STARD9: variants seen among roughly 807,000 people sequenced by gnomAD.
The protein encoded by STARD9 is StAR related lipid transfer domain containing 9.
STARD9 carries 346 observed loss-of-function variants against 399.8 expected under a neutral mutation model. The ratio of observed to expected loss-of-function variants is 0.87; its 90% CI spans 0.79 to 0.95. The LOEUF is 0.95. Ranked by LOEUF, STARD9 falls within the 40% of genes least tolerant of loss-of-function variation. STARD9 has a pLI of 0.00. For synonymous variants in STARD9, 2,203 were observed against 2,143.5 expected, an observed-to-expected ratio of 1.03 and a Z score of -0.77; for missense variants, 5,832 against 5,667.5, an observed-to-expected ratio of 1.03 and a Z score of -0.93.
chr15:42,703,533 T>TA (rs2061012951), intron 26 of STARD9, among the ~76,000 whole-genome samples: 2 of 150,392 alleles, frequency 1.3e-5, no homozygotes, highest in South Asian at 4.2e-4. Flanking sequence ...CTGGCTGATT[T>TA]TTTTTTTTTT....
chr15:42,667,638 C>G (rs948495972), intron 15 of STARD9, among the ~76,000 whole-genome samples: 2 of 151,892 alleles, frequency 1.3e-5, no homozygotes, highest in African/African-American at 4.8e-5. Flanking sequence ...ACTGCCACGC[C>G]AGGCTAATTT....
chr15:42,680,366 G>A (rs926623096), intron 20 of STARD9, among the ~76,000 whole-genome samples: 1 of 152,152 alleles, frequency 6.6e-6, no homozygotes, highest in Non-Finnish European at 1.5e-5. Flanking sequence ...TTGGGAGGCT[G>A]AGGTGGGGAG....
rs2060539266 is a variant in STARD9, at chr15:42,685,790, G to T, written c.4212G>T (p.Glu1404Asp). Reference sequence around the variant, plus strand: ...CCAAACTGCACCAAGGCAGTACTGAGCTCCTCTGCAGTGCAAGAGATGAGC... The same window carrying T: ...CCAAACTGCACCAAGGCAGTACTGATCTCCTCTGCAGTGCAAGAGATGAGC... ...YSSKLHQGST[E>D]LLCSARDEHT... is the part of the protein sequence containing the mutation. Residue 1404 changes from glutamate (E) to aspartate (D), a missense_variant, in exon 23 of 33, where the codon GAG becomes GAT. By Grantham distance (45) the Glu-to-Asp change is conservative. Around this residue, in one of 2 missense-constraint regions of STARD9, gnomAD observed 5,828 missense variants for 5,651.1 expected, o/e 1.03. Transcript: ENST00000290607. 13 of 1,537,194 alleles carry T rather than the reference G, an allele frequency of 8.5e-6. No individual in the cohort carries two copies. Among genetic ancestry groups the T allele is most frequent in the Non-Finnish European group, 1.0e-5 (12 of 1,146,966 alleles).
chr15:42,606,264 T>A (rs185728297), intron 3 of STARD9, among the ~76,000 whole-genome samples: 1 of 152,336 alleles, frequency 6.6e-6, no homozygotes, highest in East Asian at 1.9e-4. Context: ...CACATCCTGC[T>A]ACCTTTGCAC....
intron 10 of STARD9, 28 bp from the exon 11 acceptor site, chr15:42,662,760 CTTTTGT>C: frequency 7.1e-7 from 1 of 1,408,154 alleles, no homozygotes; most frequent in Non-Finnish European, 9.7e-7. Context: ...GTCTTATTTG[CTTTTGT>C]TTTTGTTTTT....
At position 42,652,577 on chromosome 15, in the gene STARD9, G is replaced by A. The variant is rs573517564; in HGVS notation, c.687G>A (p.Thr229=). The change falls in exon 9 of 33, where the codon ACG becomes ACA. Residue 229 remains threonine (T), a synonymous_variant. Transcript: ENST00000290607. ...GCAGCAGATCCCACGCCATTTTCAC[G>A]ATCCACTACACGCAGGTTGGTAACT... ...EASSRSHAIF[T]IHYTQAILEN... is the part of the protein sequence containing the mutation. 3.9e-6 allele frequency: 6 copies of A among 1,536,968 alleles called. No homozygotes were observed. Among genetic ancestry groups the A allele is most frequent in the Admixed American group, 2.0e-5 (1 of 50,976 alleles).
chr15:42,649,338 T>TAA lies in STARD9; in HGVS notation c.560-1678_560-1677insAA, dbSNP rs1268350426. On this transcript the variant is annotated intron_variant, in intron 7 of 32. Transcript: ENST00000290607. ...CCACTGCACCCGGCTCCCTCCATAT[T>TAA]TTTAATCTTTTGTCTCTCTGTGCTA... Among the ~76,000 whole-genome samples, 27 of 152,282 alleles carry TAA rather than the reference T, an allele frequency of 1.8e-4. No individual in the cohort carries two copies. The East Asian group carries it at 5.2e-3, about 29-fold the overall frequency.
At chr15:42,659,922 T>C (rs1469052792) in intron 9 of STARD9, among the ~76,000 whole-genome samples, 1 of 152,148 alleles carries the variant, frequency 6.6e-6, no homozygotes, top group Non-Finnish European at 1.5e-5. Context: ...TGCACAAATA[T>C]CCATAACTGT....
At chr15:42,604,106 C>G (rs1316914193) in intron 3 of STARD9, among the ~76,000 whole-genome samples, 1 of 152,092 alleles carries the variant, frequency 6.6e-6, no homozygotes, top group Non-Finnish European at 1.5e-5. Context: ...TGACCTGTGC[C>G]CAGGAGTGAA....
rs140520180 is a variant in STARD9 at position 42,602,321 on chromosome 15, G to A, written c.234+16684G>A. ...TATTTTGGGGCATTTCCAGTTGCAG[G>A]TTTTGATATACCTGGCTAAGGTATG... On this transcript the variant is annotated intron_variant, in intron 3 of 32. Transcript: ENST00000290607. Among the ~76,000 whole-genome samples, 107 of 152,242 alleles carry A rather than the reference G, an allele frequency of 7.0e-4. 1 individual carries two copies. The East Asian group carries it at 0.016, about 23-fold the overall frequency.
intron 15 of STARD9, among the ~76,000 whole-genome samples, chr15:42,666,105 CTG>C (rs1332651159): frequency 2.6e-5 from 4 of 152,196 alleles, no homozygotes; most frequent in Admixed American, 1.3e-4. Context: ...GGGCAAAAGA[CTG>C]TTTTCTTGTC....
At chr15:42,705,006 G>A (rs2061043985) in intron 26 of STARD9, among the ~76,000 whole-genome samples, 1 of 152,212 alleles carries the variant, frequency 6.6e-6, no homozygotes, top group Admixed American at 6.5e-5. Flanking sequence ...CATTCATCCT[G>A]ATGGGGTGGG....
In STARD9 at chr15:42,692,183, T is replaced by A; in HGVS notation, c.10605T>A (p.Ile3535=). 1 of 1,537,016 alleles carries A rather than the reference T, an allele frequency of 6.5e-7. No individual in the cohort carries two copies. Among genetic ancestry groups the A allele is most frequent in the Non-Finnish European group, 8.7e-7 (1 of 1,146,872 alleles). Residue 3535 remains isoleucine (I), a synonymous_variant, in exon 23 of 33, where the codon ATT becomes ATA. Transcript: ENST00000290607. ...CCCACCTCAGCACTTACGCCAATAT[T>A]TGTGATCTGTCAACCACACACAGCA... The part of the protein sequence containing the change: ...FHSHLSTYAN[I]CDLSTTHSST...
chr15:42,594,791 A>G (rs919320251), intron 3 of STARD9, among the ~76,000 whole-genome samples: 1 of 152,166 alleles, frequency 6.6e-6, no homozygotes, highest in Admixed American at 6.5e-5. Context: ...TCAAGGAAAG[A>G]TCTTGTTCTT....
intron 7 of STARD9, among the ~76,000 whole-genome samples, chr15:42,640,355 A>G (rs1394751095): frequency 6.6e-6 from 1 of 152,184 alleles, no homozygotes; most frequent in Non-Finnish European, 1.5e-5. Flanking sequence ...TCTTTTCCCA[A>G]ATGTTTAATC....
At position 42,693,276 on chromosome 15, in the gene STARD9, C is replaced by G; in HGVS notation, c.11698C>G (p.Pro3900Ala). The G allele has an allele frequency of 6.5e-7, 1 of 1,537,154 alleles. No homozygotes were observed. The highest frequency in any genetic ancestry group is 8.7e-7 in the Non-Finnish European group (1 of 1,146,906). Residue 3900 changes from proline to alanine, a missense_variant, in exon 23 of 33, where the codon CCA becomes GCA. This residue lies in a region of STARD9 where 5,828 missense variants were observed against 5,651.1 expected (regional missense o/e 1.03). Coordinates refer to ENST00000290607, the MANE Select transcript of STARD9 (RefSeq NM_020759.3). ...TTTGTTCGTGGACAGGGCCTCCTCC[C>G]CAATCCTCACTCTTAGTGCCAGCAC... is the stretch of plus-strand genomic sequence containing the variant. The part of the protein sequence containing the change: ...SALFVDRASS[P>A]ILTLSASTQE...
At chr15:42,656,377 G>T in intron 9 of STARD9, among the ~76,000 whole-genome samples, 2 of 138,864 alleles carry the variant, frequency 1.4e-5, no homozygotes, top group Non-Finnish European at 3.1e-5. Flanking sequence ...AGATGTTGCC[G>T]TGGATATGGT....
intron 3 of STARD9, among the ~76,000 whole-genome samples, chr15:42,615,150 A>G (rs2058935765): frequency 6.6e-6 from 1 of 151,598 alleles, no homozygotes; most frequent in African/African-American, 2.4e-5. Flanking sequence ...CTAGGAGTAT[A>G]GGAGCCCACC....
intron 27 of STARD9, 54 bp downstream of exon 27, chr15:42,716,818 G>T: frequency 6.6e-7 from 1 of 1,521,070 alleles, no homozygotes; most frequent in South Asian, 1.2e-5. Flanking sequence ...GGGACTTGGG[G>T]GCTGATGGCT....
Sources: allele counts gnomAD v4.1 joint callset (sites outside exome capture counted in the v4.1 genomes callset), GRCh38; gene constraint gnomAD v4.1.1; regional missense constraint gnomAD v4.1.1; transcripts MANE v1.5; gene names NCBI Gene and HGNC (gene_info 2026-07-23, HGNC 2026-07-21).